The following CACNA2D3 variants were observed in gnomAD, a reference collection of about 807,000 sequenced individuals.
CACNA2D3 encodes the protein voltage-dependent calcium channel subunit alpha-2/delta-3.
CACNA2D3 carries 60 observed loss-of-function variants against 160.6 expected under a neutral mutation model. The observed-to-expected ratio is 0.37, with a 90% CI of 0.30 to 0.46. CACNA2D3 has a LOEUF of 0.46. Among genes scored for constraint, CACNA2D3 ranks in the 20% least tolerant of loss-of-function variants. CACNA2D3 has a pLI of 1.00. For synonymous variants in CACNA2D3, 558 were observed against 492.9 expected, an observed-to-expected ratio of 1.13 and a Z score of -1.75; for missense variants, 1,205 against 1,365.0, an observed-to-expected ratio of 0.88 and a Z score of 1.85.
chr3:54,865,652 G>C (rs1699385099), intron 17 of CACNA2D3, among the ~76,000 whole-genome samples: 4 of 152,198 alleles, frequency 2.6e-5, no homozygotes. Context: ...TAAAGGAATA[G>C]GGCTATTTAT....
intron 4 of CACNA2D3, among the ~76,000 whole-genome samples, chr3:54,460,892 G>A (rs1398766752): frequency 6.6e-6 from 1 of 152,170 alleles, no homozygotes; most frequent in South Asian, 2.1e-4. Flanking sequence ...TGCCCATTCA[G>A]TGTGATATCG....
At chr3:54,173,090 T>C (rs1312257302) in intron 2 of CACNA2D3, among the ~76,000 whole-genome samples, 1 of 152,200 alleles carries the variant, frequency 6.6e-6, no homozygotes, top group Non-Finnish European at 1.5e-5. Flanking sequence ...AACAGCTCTG[T>C]GACCTGAAAT....
chr3:54,362,292 T>G (rs1698756728), intron 3 of CACNA2D3, among the ~76,000 whole-genome samples: 1 of 152,212 alleles, frequency 6.6e-6, no homozygotes, highest in Non-Finnish European at 1.5e-5. Context: ...GGATTCATTC[T>G]GTTGAGGTCA....
At position 54,122,746 on chromosome 3, in the gene CACNA2D3, C is replaced by G; in HGVS notation, c.33C>G (p.Ser11=). The change falls in exon 1 of 38, where the codon TCC becomes TCG. Residue 11 remains serine, a synonymous_variant. Coordinates refer to ENST00000474759, the MANE Select transcript of CACNA2D3 (RefSeq NM_018398.3). MAGPGSPRRA[S]RGASALLAAA... ...GGCCGGGCTCGCCGCGCCGCGCGTC[C>G]CGGGGGGCCTCGGCGCTTCTCGCTG... 1 of 1,218,852 alleles carries G rather than the reference C, an allele frequency of 8.2e-7. No individual in the cohort carries two copies. Among genetic ancestry groups the G allele is most frequent in the Non-Finnish European group, 1.0e-6 (1 of 977,684 alleles). 75.5% of individuals were successfully genotyped at this position (1,218,852 alleles called of 1,614,324 possible).
At chr3:54,124,364 G>GA (rs889206200) in intron 2 of CACNA2D3, among the ~76,000 whole-genome samples, 50 of 150,032 alleles carry the variant, frequency 3.3e-4, no homozygotes, top group Admixed American at 8.6e-4. Context: ...AGGAAATAAA[G>GA]AAAAAAAAAT....
intron 2 of CACNA2D3, among the ~76,000 whole-genome samples, chr3:54,201,040 G>C (rs1701168537): frequency 6.6e-6 from 1 of 152,240 alleles, no homozygotes. Context: ...GCACCTGAGA[G>C]TGTGTGGCCG....
chr3:54,978,413 T>C (rs1459012663), intron 29 of CACNA2D3, among the ~76,000 whole-genome samples: 1 of 152,206 alleles, frequency 6.6e-6, no homozygotes, highest in Admixed American at 6.5e-5. Context: ...ATTGGGTCTC[T>C]TGCATTCAGG....
At chr3:54,995,599 A>C (rs1386745674) in intron 31 of CACNA2D3, among the ~76,000 whole-genome samples, 1 of 152,220 alleles carries the variant, frequency 6.6e-6, no homozygotes, top group Non-Finnish European at 1.5e-5. Context: ...AAAAGCTCCA[A>C]AAGGCCAAGT....
intron 16 of CACNA2D3, among the ~76,000 whole-genome samples, chr3:54,842,979 C>CT (rs145158032): frequency 0.022 from 2,914 of 134,948 alleles, 22 homozygotes; most frequent in Middle Eastern, 0.038. Context: ...GTGAGTGTAG[C>CT]TTTTTTTTTT....
At chr3:54,513,398 G>A (rs946044069) in intron 5 of CACNA2D3, among the ~76,000 whole-genome samples, 1 of 151,988 alleles carries the variant, frequency 6.6e-6, no homozygotes, top group African/African-American at 2.4e-5. Flanking sequence ...ACATTTTTGT[G>A]GTGCTTACTA....
At chr3:54,303,565 G>A (rs1358629279) in intron 2 of CACNA2D3, among the ~76,000 whole-genome samples, 1 of 152,182 alleles carries the variant, frequency 6.6e-6, no homozygotes, top group East Asian at 1.9e-4. Flanking sequence ...GAGTCTGTGA[G>A]TTTGGTGGCC....
chr3:55,064,898 T>A (rs957061305), intron 35 of CACNA2D3, among the ~76,000 whole-genome samples: 1 of 151,930 alleles, frequency 6.6e-6, no homozygotes, highest in Non-Finnish European at 1.5e-5. Flanking sequence ...ATTATGGGGA[T>A]GGGGGCAGGG....
chr3:55,004,518 C>T (rs1703047810), intron 31 of CACNA2D3, among the ~76,000 whole-genome samples: 4 of 152,218 alleles, frequency 2.6e-5, no homozygotes, highest in Admixed American at 2.6e-4. Flanking sequence ...TTAGATGGGT[C>T]CTCATCCCCC....
At chr3:54,740,733 G>C (rs1187578468) in intron 11 of CACNA2D3, among the ~76,000 whole-genome samples, 1 of 152,200 alleles carries the variant, frequency 6.6e-6, no homozygotes, top group Non-Finnish European at 1.5e-5. Context: ...AGTAGGTGAG[G>C]TGACAGGGGA....
intron 11 of CACNA2D3, among the ~76,000 whole-genome samples, chr3:54,735,584 G>C (rs1289846651): frequency 6.6e-6 from 1 of 152,086 alleles, no homozygotes; most frequent in Non-Finnish European, 1.5e-5. Context: ...ATTTTCAGTA[G>C]AACATCTTTA....
chr3:54,204,710 C>T (rs921373272), intron 2 of CACNA2D3, among the ~76,000 whole-genome samples: 4 of 146,120 alleles, frequency 2.7e-5, no homozygotes, highest in Admixed American at 1.4e-4. Context: ...GCAGGAGAAT[C>T]GCTTGAACCC....
At chr3:54,896,264 C>G (rs2106879107) in intron 25 of CACNA2D3, among the ~76,000 whole-genome samples, 1 of 152,288 alleles carries the variant, frequency 6.6e-6, no homozygotes, top group Non-Finnish European at 1.5e-5. Context: ...GTACAAAGAT[C>G]TCAGTGTGGG....
chr3:54,178,499 T>C (rs1470199723), intron 2 of CACNA2D3, among the ~76,000 whole-genome samples: 1 of 152,222 alleles, frequency 6.6e-6, no homozygotes, highest in East Asian at 1.9e-4. Context: ...TTGGATTTTC[T>C]GTGTGCTTTA....
chr3:54,670,897 G>A (rs1267815584), intron 11 of CACNA2D3, among the ~76,000 whole-genome samples: 1 of 152,096 alleles, frequency 6.6e-6, no homozygotes, highest in East Asian at 1.9e-4. Flanking sequence ...ATCAACCCCA[G>A]ATCAGCTTCT....
Sources: allele counts gnomAD v4.1 joint callset (sites outside exome capture counted in the v4.1 genomes callset), GRCh38; gene constraint gnomAD v4.1.1; transcripts MANE v1.5; gene names NCBI Gene and HGNC (gene_info 2026-07-23, HGNC 2026-07-21).